Variants in RAD52 observed in about 807,000 individuals in gnomAD.
The protein encoded by RAD52 is RAD52 DNA repair protein, also known as DNA repair protein RAD52 homolog.
In RAD52, 47 loss-of-function variants were observed where a neutral mutation model predicts 55.5. The observed-to-expected ratio is 0.85, with a 90% CI of 0.67 to 1.08. The LOEUF is 1.08. Ranked by LOEUF, RAD52 falls within the 50% of genes least tolerant of loss-of-function variation. The pLI is 0.00. For synonymous variants in RAD52, 184 were observed against 198.9 expected, an observed-to-expected ratio of 0.92 and a Z score of 0.63; for missense variants, 468 against 522.8, an observed-to-expected ratio of 0.90 and a Z score of 1.02.
At chr12:920,316 G>T (rs1956649071) in intron 7 of RAD52, among the ~76,000 whole-genome samples, 1 of 118,266 alleles carries the variant, frequency 8.5e-6, no homozygotes, top group Non-Finnish European at 1.8e-5. Flanking sequence ...CAGCATTTTG[G>T]GAGGCCGAGG....
At chr12:989,558 G>A (rs1277651652) in intron 1 of RAD52, among the ~76,000 whole-genome samples, 2 of 151,974 alleles carry the variant, frequency 1.3e-5, no homozygotes, top group Non-Finnish European at 2.9e-5. Flanking sequence ...CCAGTGTGGT[G>A]GCAAAAAATA....
intron 7 of RAD52, among the ~76,000 whole-genome samples, chr12:921,025 A>C (rs1173591573): frequency 6.6e-6 from 1 of 152,186 alleles, no homozygotes; most frequent in African/African-American, 2.4e-5. Flanking sequence ...TAGAAATTAA[A>C]CACCACACTC....
At chr12:975,601 A>G (rs1278726426) in intron 1 of RAD52, 1 of 152,234 alleles carries the variant, frequency 6.6e-6, no homozygotes, top group Non-Finnish European at 1.5e-5. Flanking sequence ...GAATTTGGGC[A>G]TAAGAGAAAG....
At chr12:981,650 A>G (rs1739841305) in intron 1 of RAD52, among the ~76,000 whole-genome samples, 1 of 151,566 alleles carries the variant, frequency 6.6e-6, no homozygotes, top group Non-Finnish European at 1.5e-5. Flanking sequence ...CCAGCTACTC[A>G]GGAGGCTGAG....
chr12:949,276 G>C (rs1286037069), intron 1 of RAD52: 1 of 152,168 alleles, frequency 6.6e-6, no homozygotes, highest in African/African-American at 2.4e-5. Context: ...ACAAACTTCA[G>C]ATTCCCCACG....
chr12:913,101 T>G lies in RAD52; in HGVS notation c.*290A>C. On this transcript the variant is annotated 3_prime_UTR_variant, in exon 12 of 12. Coordinates refer to ENST00000358495, the MANE Select transcript of RAD52 (RefSeq NM_134424.4). ...ATTGGTGATTCCTAAAATGTCCATC[T>G]TCATTAACATAATAGTTCAGTAATA... 2 of 313,978 alleles carry G rather than the reference T, an allele frequency of 6.4e-6. No individual in the cohort carries two copies. The highest frequency in any genetic ancestry group is 1.2e-5 in the Non-Finnish European group (2 of 173,080). 19.4% of individuals were successfully genotyped at this position (313,978 alleles called of 1,614,324 possible). A position where few individuals can be genotyped will look rare whatever the true frequency, so the allele number is the denominator to read the frequency against.
chr12:927,093 T>G (rs1957076139), intron 6 of RAD52, 52 bp downstream of exon 6: 1 of 1,575,518 alleles, frequency 6.3e-7, no homozygotes, highest in Admixed American at 1.7e-5. Context: ...CGAAATCTGC[T>G]CTGAAGCAAG....
chr12:981,942 G>A (rs1959022667), intron 1 of RAD52, among the ~76,000 whole-genome samples: 1 of 152,150 alleles, frequency 6.6e-6, no homozygotes, highest in Admixed American at 6.5e-5. Context: ...TCACCACGTT[G>A]GCCCTATTGG....
At chr12:931,763 ACGT>A (rs1269585016) in intron 2 of RAD52, among the ~76,000 whole-genome samples, 1 of 152,200 alleles carries the variant, frequency 6.6e-6, no homozygotes, top group Non-Finnish European at 1.5e-5. Context: ...TCTGTAAATG[ACGT>A]CAGCACAGGA....
At chr12:945,138 G>A (rs1339775744) in intron 1 of RAD52, among the ~76,000 whole-genome samples, 1 of 152,182 alleles carries the variant, frequency 6.6e-6, no homozygotes, top group East Asian at 1.9e-4. Flanking sequence ...ATCACCTGAG[G>A]TCAGGAGTTC....
At chr12:951,238 A>T (rs2154119956), upstream of RAD52, among the ~76,000 whole-genome samples, 1 of 152,220 alleles carries the variant, frequency 6.6e-6, no homozygotes, top group Admixed American at 6.5e-5. Flanking sequence ...TCAGCTTCCC[A>T]GGTAGCTGGG....
chr12:985,021 G>A (rs1467601007), intron 1 of RAD52, among the ~76,000 whole-genome samples: 1 of 152,190 alleles, frequency 6.6e-6, no homozygotes, highest in Non-Finnish European at 1.5e-5. Flanking sequence ...GTATTAGCCA[G>A]GATGGTCTCG....
rs1956171240 is a variant in RAD52, at chr12:912,830, A to G, written c.*561T>C. The G allele has an allele frequency of 1.1e-5, 2 of 189,606 alleles. No individual in the cohort carries two copies. The highest frequency in any genetic ancestry group is 8.5e-5 in the East Asian group (1 of 11,776). The allele number at this position is 189,606 out of a possible 1,614,324, so 11.7% of individuals were successfully genotyped here. A position where few individuals can be genotyped will look rare whatever the true frequency, so the allele number is the denominator to read the frequency against. ...CAGTCTTGAAACAATGCAGGATTGT[A>G]ATGTCATAAATCCATAAATTATTTA... On this transcript the variant is annotated 3_prime_UTR_variant, in exon 12 of 12. Transcript: ENST00000358495.
At position 916,661 on chromosome 12, in the gene RAD52, C is replaced by T. The variant is rs1956403014; in HGVS notation, c.703G>A (p.Ala235Thr). 2 of 1,613,806 alleles carry T rather than the reference C, an allele frequency of 1.2e-6. No individual in the cohort carries two copies. The highest frequency in any genetic ancestry group is 2.2e-5 in the South Asian group (2 of 91,074). Residue 235 changes from alanine to threonine, a missense_variant, in exon 8 of 12, where the codon GCG becomes ACG. Ala to Thr is a moderately conservative substitution (Grantham distance 58). Transcript: ENST00000358495. ...TACCGGGAGCTGCAGTCCTGGTCCG[C>T]CGGTATCACAGCATGGCTGGGTCTG... The part of the protein sequence containing the change: ...PSRPSHAVIP[A>T]DQDCSSRSLS...
chr12:936,271 T>C lies in RAD52; in HGVS notation c.-18-3195A>G, dbSNP rs544798337. Among the ~76,000 whole-genome samples, 8 of 152,072 alleles carry C rather than the reference T, an allele frequency of 5.3e-5. No homozygotes were observed. The East Asian group carries it at 1.4e-3, about 26-fold the overall frequency. The stretch of plus-strand genomic sequence containing the variant: ...GTGAGCCGAGACCACACCACTGCAT[T>C]CCAGCCTGGGCAATGGAGCAAGACT... On this transcript the variant is annotated intron_variant, in intron 1 of 11. Coordinates refer to ENST00000358495, the MANE Select transcript of RAD52 (RefSeq NM_134424.4).
intron 5 of RAD52, among the ~76,000 whole-genome samples, chr12:928,077 TAACTC>T (rs1003419097): frequency 1.4e-4 from 22 of 152,150 alleles, no homozygotes; most frequent in Admixed American, 5.9e-4. Flanking sequence ...TTTTAAAAAA[TAACTC>T]AGAAAGCACT....
At chr12:945,490 G>C (rs929442656) in intron 1 of RAD52, among the ~76,000 whole-genome samples, 1 of 151,158 alleles carries the variant, frequency 6.6e-6, no homozygotes, top group African/African-American at 2.4e-5. Flanking sequence ...CTGGAGTACA[G>C]TGGCGCAATC....
intron 1 of RAD52, among the ~76,000 whole-genome samples, chr12:970,779 A>C (rs754434822): frequency 1.3e-5 from 2 of 152,152 alleles, no homozygotes; most frequent in Non-Finnish European, 2.9e-5. Context: ...GTGAACCAAC[A>C]ACCGAGCTAT....
At chr12:962,868 A>G (rs1188093008) in intron 1 of RAD52, among the ~76,000 whole-genome samples, 2 of 152,096 alleles carry the variant, frequency 1.3e-5, no homozygotes, top group Non-Finnish European at 2.9e-5. Flanking sequence ...ATGTGCCACC[A>G]TGCCTAATTT....
Sources: gnomAD v4.1 joint callset for allele counts (sites outside exome capture counted in the v4.1 genomes callset) on GRCh38, gnomAD v4.1.1 for gene constraint, MANE v1.5 for transcripts, NCBI Gene and HGNC (gene_info 2026-07-23, HGNC 2026-07-21) for gene names.